Variants in SLC29A1 observed in about 807,000 individuals in gnomAD.
The protein encoded by SLC29A1 is equilibrative nucleoside transporter 1.
A neutral mutation model predicts 48.3 loss-of-function variants in SLC29A1; 22 were observed. The ratio of observed to expected loss-of-function variants is 0.46; its 90% CI spans 0.33 to 0.65. The LOEUF is 0.65. SLC29A1 is among the 30% of genes least tolerant of loss of function. The pLI is 0.03. For missense variants in SLC29A1, 491 were observed against 575.3 expected (o/e 0.85, Z 1.50); for synonymous variants, 228 against 231.0 (o/e 0.99, Z 0.12).
Position 44,233,660 on chromosome 6 carries a change from G to A in SLC29A1, c.*132G>A. 2.8e-6 allele frequency: 2 copies of A among 714,942 alleles called. No individual in the cohort carries two copies. Among genetic ancestry groups the A allele is most frequent in the Non-Finnish European group, 4.9e-6 (2 of 410,724 alleles). 44.3% of individuals were successfully genotyped at this position (714,942 alleles called of 1,614,324 possible). ...ACTTCTGCTTTCCACGGCGTGTGCT[G>A]GGCCCGGATCTCCAGGCCCTGGGGA... On this transcript the variant is annotated 3_prime_UTR_variant, in exon 13 of 13. Coordinates refer to ENST00000371755, the MANE Select transcript of SLC29A1 (RefSeq NM_001372327.1).
Position 44,229,303 on chromosome 6 carries a change from G to T in SLC29A1, c.30-87G>T. 1 of 1,041,136 alleles carries T rather than the reference G, an allele frequency of 9.6e-7. No individual in the cohort carries two copies. 64.5% of individuals were successfully genotyped at this position (1,041,136 alleles called of 1,614,324 possible). ...CTGTGCCCTGGGACCTAGAGAGACT[G>T]ACAACGGACAGGGGCTTTCCTGGGG... On this transcript the variant is annotated intron_variant, in intron 2 of 12. Coordinates refer to ENST00000371755, the MANE Select transcript of SLC29A1 (RefSeq NM_001372327.1). This position sits in a 1 kb window ranked among gnomAD's most constrained non-coding sequence, Gnocchi z 5.1.
chr6:44,221,742 C>A, upstream of SLC29A1: 2 of 879,918 alleles, frequency 2.3e-6, no homozygotes, highest in Non-Finnish European at 3.2e-6. This position sits in a 1 kb window ranked among gnomAD's most constrained non-coding sequence, Gnocchi z 4.2. Flanking sequence ...GCAACCTCTG[C>A]TTGGGAGGTG....
rs1457886570 is a variant in SLC29A1 at position 44,226,579 on chromosome 6, C to T, written c.-51-684C>T. 18 of 206,796 alleles carry T rather than the reference C, an allele frequency of 8.7e-5. No homozygotes were observed. In the Admixed American group the frequency reaches 1.2e-3, roughly 13 times the overall value. The allele number at this position is 206,796 out of a possible 1,614,324, so 12.8% of individuals were successfully genotyped here. ...AAACCGGCCAGCAACTAGGAAGCCC[C>T]TGGGCAGTGGCTGGAAAGAAAGGTT... On this transcript the variant is annotated intron_variant, in intron 1 of 12. Coordinates refer to ENST00000371755, the MANE Select transcript of SLC29A1 (RefSeq NM_001372327.1).
intron 1 of SLC29A1, among the ~76,000 whole-genome samples, chr6:44,224,701 T>A (rs2128340277): frequency 6.6e-6 from 1 of 152,176 alleles, no homozygotes; most frequent in South Asian, 2.1e-4. Flanking sequence ...TAGCCCCATA[T>A]GAAATCCTGG....
Position 44,230,593 on chromosome 6 carries a change from C to T in SLC29A1, c.615C>T (p.Ala205=). The T allele has an allele frequency of 6.2e-7, 1 of 1,613,842 alleles. No homozygotes were observed. Among genetic ancestry groups the T allele is most frequent in the Non-Finnish European group, 8.5e-7 (1 of 1,180,000 alleles). The change falls in exon 7 of 13, where the codon GCC becomes GCT. Residue 205 remains alanine, a synonymous_variant. Transcript: ENST00000371755. ...GTGGCTCGGAGCTATCAGAAAGTGC[C>T]TTCGGCTACTTTATCACAGCCTGTG... is the stretch of plus-strand genomic sequence containing the variant. The part of the protein sequence containing the change: ...IASGSELSES[A]FGYFITACAV...
At position 44,223,763 on chromosome 6, in the gene SLC29A1, C is replaced by T. The variant is rs753152549; in HGVS notation, c.-52+122C>T. 275 of 1,030,732 alleles carry T rather than the reference C, an allele frequency of 2.7e-4. No individual in the cohort carries two copies. The highest frequency in any genetic ancestry group is 3.1e-4 in the Non-Finnish European group (268 of 855,844). The allele number at this position is 1,030,732 out of a possible 1,614,324, so 63.8% of individuals were successfully genotyped here. On this transcript the variant is annotated intron_variant, in intron 1 of 12. Transcript: ENST00000371755. This position sits in a 1 kb window ranked among gnomAD's most constrained non-coding sequence, Gnocchi z 5.0. ...GCTCCGCAGCCCGGAGAAGGGACGC[C>T]GGGTGGGGCCCCAGTGCGGAGCGTG... is the stretch of plus-strand genomic sequence containing the variant.
chr6:44,232,253 A>T lies in SLC29A1; in HGVS notation c.974-90A>T. 1 of 1,160,532 alleles carries T rather than the reference A, an allele frequency of 8.6e-7. No individual in the cohort carries two copies. Among genetic ancestry groups the T allele is most frequent in the Non-Finnish European group, 1.3e-6 (1 of 767,434 alleles). 71.9% of individuals were successfully genotyped at this position (1,160,532 alleles called of 1,614,324 possible). A position where few individuals can be genotyped will look rare whatever the true frequency, so the allele number is the denominator to read the frequency against. On this transcript the variant is annotated intron_variant, in intron 10 of 12. Transcript: ENST00000371755. The surrounding 1 kb of genome is among the most constrained non-coding windows in gnomAD (Gnocchi z 4.7). Reference sequence around the variant, plus strand: ...GGGCTGGAAGCATCTTCTCCATTTTACTGTTGGGGAAGCTGAGGCCCAGTG... The same window carrying T: ...GGGCTGGAAGCATCTTCTCCATTTTTCTGTTGGGGAAGCTGAGGCCCAGTG...
chr6:44,230,382 C>G lies in SLC29A1; in HGVS notation c.490C>G (p.Leu164Val). The G allele has an allele frequency of 6.2e-7, 1 of 1,614,004 alleles. No individual in the cohort carries two copies. The highest frequency in any genetic ancestry group is 8.5e-7 in the Non-Finnish European group (1 of 1,179,872). ...CATCCTGCAGGGCAGCCTGTTTGGT[C>G]TGGCTGGCCTTCTGCCTGCCAGCTA... ...GAILQGSLFG[L>V]AGLLPASYTA... Residue 164 changes from leucine to valine, a missense_variant, in exon 6 of 13, where the codon CTG becomes GTG. Coordinates refer to ENST00000371755, the MANE Select transcript of SLC29A1 (RefSeq NM_001372327.1).
intron 1 of SLC29A1, chr6:44,224,003 T>TATGGGGATGGGG (rs1344950211): frequency 2.1e-6 from 2 of 950,586 alleles, no homozygotes; most frequent in African/African-American, 1.8e-5. Context: ...GGCGGAGGGG[T>TATGGGGATGGGG]ATGGGGATGG....
At chr6:44,231,317 T>C (rs1778811516) in intron 8 of SLC29A1, 47 bp from the exon 9 acceptor site, 3 of 1,240,730 alleles carry the variant, frequency 2.4e-6, no homozygotes, top group Middle Eastern at 1.8e-4. Flanking sequence ...TGTTGTCTTC[T>C]GTTGCTCTGT....
At chr6:44,227,195 C>T (rs1031741672) in intron 1 of SLC29A1, 68 bp from the exon 2 acceptor site, 5 of 1,505,362 alleles carry the variant, frequency 3.3e-6, no homozygotes, top group South Asian at 1.2e-5. Context: ...CCCCCTCTCC[C>T]CCTAAGAGCC....
Position 44,223,749 on chromosome 6 carries a change from C to T in SLC29A1, c.-52+108C>T. 1 of 1,034,252 alleles carries T rather than the reference C, an allele frequency of 9.7e-7. No homozygotes were observed. Among genetic ancestry groups the T allele is most frequent in the Non-Finnish European group, 1.2e-6 (1 of 857,798 alleles). The allele number at this position is 1,034,252 out of a possible 1,614,324, so 64.1% of individuals were successfully genotyped here. A position where few individuals can be genotyped will look rare whatever the true frequency, so the allele number is the denominator to read the frequency against. On this transcript the variant is annotated intron_variant, in intron 1 of 12. Transcript: ENST00000371755. The surrounding 1 kb of genome is among the most constrained non-coding windows in gnomAD (Gnocchi z 5.0). ...GGGCGGGCCTGACGGCTCCGCAGCCCGGAGAAGGGACGCCGGGTGGGGCCC... is the reference window on the plus strand; with the variant it reads ...GGGCGGGCCTGACGGCTCCGCAGCCTGGAGAAGGGACGCCGGGTGGGGCCC...
upstream of SLC29A1, chr6:44,219,788 CG>C: frequency 1.1e-6 from 1 of 936,798 alleles, no homozygotes; most frequent in Non-Finnish European, 1.3e-6. Context: ...AGCAGGTGCG[CG>C]GGGCGGGGCC....
At chr6:44,219,622 C>T (rs1776084081), upstream of SLC29A1, 2 of 1,046,036 alleles carry the variant, frequency 1.9e-6, no homozygotes, top group Admixed American at 2.8e-5. Flanking sequence ...AGCCTCTCTT[C>T]CGCCCGGCGG....
chr6:44,231,219 G>A (rs1335957391), intron 8 of SLC29A1, 145 bp from the exon 9 acceptor site: 6 of 640,504 alleles, frequency 9.4e-6, no homozygotes, highest in African/African-American at 1.8e-5. Flanking sequence ...ATTTGGAGGC[G>A]AGGTCTGGGT....
intron 2 of SLC29A1, 108 bp downstream of exon 2, chr6:44,227,450 A>T: frequency 1.0e-6 from 1 of 968,370 alleles, no homozygotes; most frequent in Non-Finnish European, 1.6e-6. Flanking sequence ...CCTTCCAGCC[A>T]GGTAGCTATG....
chr6:44,221,009 AC>A (rs1295992397), upstream of SLC29A1, among the ~76,000 whole-genome samples: 2 of 152,100 alleles, frequency 1.3e-5, no homozygotes, highest in Non-Finnish European at 2.9e-5. The surrounding 1 kb of genome is among the most constrained non-coding windows in gnomAD (Gnocchi z 4.2). Context: ...CCTCTGGAGT[AC>A]CTGGAACCAC....
At chr6:44,227,170 G>A in intron 1 of SLC29A1, 93 bp from the exon 2 acceptor site, 1 of 1,428,580 alleles carries the variant, frequency 7.0e-7, no homozygotes, top group Non-Finnish European at 9.5e-7. Context: ...CCACTGGCCT[G>A]TTCTGTCAGC....
intron 1 of SLC29A1, among the ~76,000 whole-genome samples, chr6:44,225,201 C>T (rs537221269): frequency 1.3e-5 from 2 of 152,148 alleles, no homozygotes; most frequent in African/African-American, 2.4e-5. Flanking sequence ...GTCCCTACTA[C>T]CTAATAGAAA....
Sources: gnomAD v4.1 joint callset for allele counts (sites outside exome capture counted in the v4.1 genomes callset) on GRCh38, gnomAD v4.1.1 for gene constraint, Gnocchi (gnomAD v3.1) non-coding constraint, MANE v1.5 for transcripts, NCBI Gene and HGNC (gene_info 2026-07-23, HGNC 2026-07-21) for gene names.